Variants in PCCB observed in about 807,000 individuals in gnomAD.
PCCB encodes propionyl-CoA carboxylase subunit beta, also known as propionyl-CoA carboxylase beta chain, mitochondrial.
A neutral mutation model predicts 60.7 loss-of-function variants in PCCB; 43 were observed. The observed-to-expected ratio is 0.71, with a 90% CI of 0.55 to 0.91. The LOEUF is 0.91. Among genes scored for constraint, PCCB ranks in the 40% least tolerant of loss-of-function variants. PCCB has a pLI of 0.00. For missense variants in PCCB, 766 were observed against 702.8 expected (o/e 1.09, Z -1.02); for synonymous variants, 276 against 255.9 (o/e 1.08, Z -0.75).
At chr3:136,253,090 T>TG (rs1941564326) in intron 1 of PCCB, among the ~76,000 whole-genome samples, 3 of 139,576 alleles carry the variant, frequency 2.1e-5, no homozygotes, top group Non-Finnish European at 4.6e-5. Context: ...AGGTTTTTTT[T>TG]TTTTTTTTTT....
chr3:136,285,745 G>A (rs1455467607), intron 6 of PCCB, among the ~76,000 whole-genome samples: 1 of 152,146 alleles, frequency 6.6e-6, no homozygotes, highest in Non-Finnish European at 1.5e-5. Flanking sequence ...AGATGCTGGA[G>A]TTCATTTCAA....
At chr3:136,280,774 C>T (rs1176750617) in intron 5 of PCCB, among the ~76,000 whole-genome samples, 1 of 152,182 alleles carries the variant, frequency 6.6e-6, no homozygotes, top group South Asian at 2.1e-4. Flanking sequence ...AGTCTTCCTA[C>T]CTTGGCCTTC....
chr3:136,306,557 G>A lies in PCCB; in HGVS notation c.966+5446G>A, dbSNP rs1273038312. The stretch of plus-strand genomic sequence containing the variant: ...TCACCACAAAAAAGTATGTGAGGTG[G>A]TGGATATGTTAACTAGCTTTAGTCA... On this transcript the variant is annotated intron_variant, in intron 9 of 14. Coordinates refer to ENST00000251654, the MANE Select transcript of PCCB (RefSeq NM_000532.5). Among the ~76,000 whole-genome samples, 20 of 122,740 alleles carry A rather than the reference G, an allele frequency of 1.6e-4. 5 individuals carry two copies. Among genetic ancestry groups the A allele is most frequent in the Non-Finnish European group, 3.1e-4 (17 of 54,956 alleles). The allele number at this position is 122,740 out of a possible 152,430, so 80.5% of individuals were successfully genotyped here.
intron 5 of PCCB, among the ~76,000 whole-genome samples, chr3:136,280,822 A>C (rs1942456798): frequency 6.6e-6 from 1 of 152,114 alleles, no homozygotes; most frequent in Non-Finnish European, 1.5e-5. Context: ...CCGACCAACC[A>C]AAAAAACTTT....
intron 5 of PCCB, among the ~76,000 whole-genome samples, chr3:136,276,162 C>G (rs2108170788): frequency 6.6e-6 from 1 of 152,202 alleles, no homozygotes; most frequent in South Asian, 2.1e-4. Context: ...CATCTCATTC[C>G]CCTGTGGTGT....
chr3:136,308,890 A>G (rs755316718), intron 9 of PCCB, among the ~76,000 whole-genome samples: 18 of 152,200 alleles, frequency 1.2e-4, no homozygotes, highest in Non-Finnish European at 2.1e-4. Context: ...ACAAAACACT[A>G]TGTGTCAAAA....
chr3:136,258,318 G>C (rs568354965), intron 3 of PCCB, among the ~76,000 whole-genome samples: 2 of 152,262 alleles, frequency 1.3e-5, no homozygotes, highest in African/African-American at 4.8e-5. Flanking sequence ...TCATTTTATA[G>C]GCAGAATGGC....
intron 4 of PCCB, 104 bp from the exon 5 acceptor site, chr3:136,261,848 A>C: frequency 1.3e-6 from 1 of 776,736 alleles, no homozygotes; most frequent in Non-Finnish European, 2.3e-6. Flanking sequence ...CTGTTTTGAA[A>C]AGTGCACTCA....
At chr3:136,272,768 T>A (rs953955330) in intron 5 of PCCB, among the ~76,000 whole-genome samples, 1 of 152,112 alleles carries the variant, frequency 6.6e-6, no homozygotes, top group Non-Finnish European at 1.5e-5. Context: ...CGACCAATTT[T>A]GTTTATTTTT....
intron 5 of PCCB, among the ~76,000 whole-genome samples, chr3:136,270,688 T>A (rs1942173687): frequency 6.6e-6 from 1 of 152,206 alleles, no homozygotes; most frequent in African/African-American, 2.4e-5. Context: ...GTATTTGTAG[T>A]AGAGACAGGG....
chr3:136,324,427 C>T (rs1460583709), intron 10 of PCCB, among the ~76,000 whole-genome samples: 5 of 152,170 alleles, frequency 3.3e-5, no homozygotes, highest in African/African-American at 1.2e-4. Flanking sequence ...AAGGTTTTCT[C>T]TGGTCTTTTA....
chr3:136,329,111 T>C (rs1264121194), intron 14 of PCCB, among the ~76,000 whole-genome samples: 2 of 152,226 alleles, frequency 1.3e-5, no homozygotes, highest in Non-Finnish European at 2.9e-5. Flanking sequence ...TCTAGTGCTG[T>C]GCAGAAATTC....
chr3:136,255,592 TTCTC>T (rs1357974083), intron 1 of PCCB: 3 of 495,062 alleles, frequency 6.1e-6, no homozygotes, highest in African/African-American at 5.8e-5. Flanking sequence ...TTATCCCCAC[TTCTC>T]TCTACCTTTT....
intron 6 of PCCB, among the ~76,000 whole-genome samples, chr3:136,288,291 T>G (rs1274555758): frequency 6.6e-6 from 1 of 152,224 alleles, no homozygotes; most frequent in Non-Finnish European, 1.5e-5. Flanking sequence ...ATACTGTTTT[T>G]CTTTTAATTT....
intron 9 of PCCB, among the ~76,000 whole-genome samples, chr3:136,304,503 A>T (rs1295848443): frequency 1.8e-5 from 2 of 110,216 alleles, no homozygotes; most frequent in Non-Finnish European, 4.0e-5. Context: ...TGCCTCAGCC[A>T]CCCAAGTAGC....
At chr3:136,325,047 G>A (rs776468130) in intron 10 of PCCB, among the ~76,000 whole-genome samples, 5 of 151,968 alleles carry the variant, frequency 3.3e-5, no homozygotes, top group Admixed American at 2.6e-4. Context: ...TGTGCACCAC[G>A]CTCGGCTAAT....
chr3:136,311,136 G>T (rs1046515767), intron 9 of PCCB, among the ~76,000 whole-genome samples: 50 of 152,102 alleles, frequency 3.3e-4, no homozygotes, highest in Admixed American at 1.2e-3. Flanking sequence ...AAGCTGTAAC[G>T]TAGGTGATAT....
In PCCB at chr3:136,273,692, C is replaced by T. The variant is rs747242297; in HGVS notation, c.544-10145C>T. ...CTTTGCGAGGCCAAGACGGGCGGAT[C>T]GCGAGGTCAGGAGATCGAGACCATC... On this transcript the variant is annotated intron_variant, in intron 5 of 14. Coordinates refer to ENST00000251654, the MANE Select transcript of PCCB (RefSeq NM_000532.5). 2.9e-5 allele frequency among the ~76,000 whole-genome samples: 4 copies of T among 137,822 alleles called. No individual in the cohort carries two copies. In the Admixed American group the frequency reaches 3.2e-4, roughly 11 times the overall value. The allele number at this position is 137,822 out of a possible 152,430, so 90.4% of individuals were successfully genotyped here.
chr3:136,310,617 A>T (rs995187395), intron 9 of PCCB, among the ~76,000 whole-genome samples: 1 of 152,254 alleles, frequency 6.6e-6, no homozygotes, highest in East Asian at 1.9e-4. Flanking sequence ...CTTCCAGAGC[A>T]TAGAAAGTAA....
Sources: gnomAD v4.1 joint callset for allele counts (sites outside exome capture counted in the v4.1 genomes callset) on GRCh38, gnomAD v4.1.1 for gene constraint, MANE v1.5 for transcripts, NCBI Gene and HGNC (gene_info 2026-07-23, HGNC 2026-07-21) for gene names.